Variants in HS1BP3 observed in about 807,000 individuals in gnomAD.
HS1BP3 encodes HCLS1 binding protein 3, also known as HCLS1-binding protein 3.
A neutral mutation model predicts 33.5 loss-of-function variants in HS1BP3; 32 were observed. That is an observed-to-expected ratio of 0.95 (90% CI 0.72 to 1.28). HS1BP3 has a LOEUF of 1.28. Ranked by LOEUF, HS1BP3 falls within the 50% of genes most tolerant of loss-of-function variation. The pLI is 0.00. For synonymous variants in HS1BP3, 187 were observed against 209.2 expected (o/e 0.89, Z 0.92); for missense variants, 486 against 502.3 (o/e 0.97, Z 0.31).
At chr2:20,579,301 G>T (rs964741978) in intron 5 of HS1BP3, among the ~76,000 whole-genome samples, 5 of 152,240 alleles carry the variant, frequency 3.3e-5, no homozygotes, top group African/African-American at 1.2e-4. Context: ...GTGCCTCCGG[G>T]AACTGTCTCA....
intron 5 of HS1BP3, among the ~76,000 whole-genome samples, chr2:20,566,971 T>C (rs1693144492): frequency 6.6e-6 from 1 of 152,144 alleles, no homozygotes; most frequent in South Asian, 2.1e-4. Flanking sequence ...CCTGAACCCC[T>C]GAGAACAAGG....
chr2:20,586,288 A>G (rs1572307456), intron 5 of HS1BP3: 1 of 152,212 alleles, frequency 6.6e-6, no homozygotes, highest in East Asian at 1.9e-4. Flanking sequence ...GAAAGATCAG[A>G]CATCTTTCAC....
At chr2:20,596,986 T>C (rs1432942586) in intron 3 of HS1BP3, among the ~76,000 whole-genome samples, 2 of 152,232 alleles carry the variant, frequency 1.3e-5, no homozygotes, top group African/African-American at 4.8e-5. Flanking sequence ...GATCCAGCCA[T>C]GGTTCCCATT....
At chr2:20,604,378 G>A (rs1209872146) in intron 2 of HS1BP3, among the ~76,000 whole-genome samples, 1 of 152,212 alleles carries the variant, frequency 6.6e-6, no homozygotes, top group Non-Finnish European at 1.5e-5. Context: ...CCCCGGGACA[G>A]CCTTGGGCAT....
At chr2:20,559,020 C>A (rs1692909475), downstream of HS1BP3, among the ~76,000 whole-genome samples, 1 of 152,172 alleles carries the variant, frequency 6.6e-6, no homozygotes, top group African/African-American at 2.4e-5. Context: ...CTTGCTGGCA[C>A]CCAGGACTCA....
At chr2:20,593,051 T>C (rs193295191) in intron 3 of HS1BP3, among the ~76,000 whole-genome samples, 18 of 152,238 alleles carry the variant, frequency 1.2e-4, no homozygotes, top group Admixed American at 5.2e-4. Flanking sequence ...AACCTCCCGC[T>C]GTCTACCCCA....
At chr2:20,555,813 G>A (rs1055712669), downstream of HS1BP3, among the ~76,000 whole-genome samples, 3 of 151,990 alleles carry the variant, frequency 2.0e-5, no homozygotes, top group Non-Finnish European at 4.4e-5. Flanking sequence ...TAATGCAATG[G>A]GCTTCTTGAT....
intron 2 of HS1BP3, chr2:20,598,337 C>G: frequency 3.5e-6 from 1 of 287,018 alleles, no homozygotes; most frequent in South Asian, 3.0e-5. Flanking sequence ...ACCAAGATCT[C>G]TTGAATGAGC....
At chr2:20,563,626 G>A (rs771435839) in intron 5 of HS1BP3, among the ~76,000 whole-genome samples, 8 of 152,134 alleles carry the variant, frequency 5.3e-5, no homozygotes, top group East Asian at 1.9e-4. Flanking sequence ...AATGGTCCCC[G>A]AGATGGAGAG....
At chr2:20,596,879 C>T (rs191292023) in intron 3 of HS1BP3, among the ~76,000 whole-genome samples, 1 of 152,290 alleles carries the variant, frequency 6.6e-6, no homozygotes, top group African/African-American at 2.4e-5. Flanking sequence ...TCATAGGTAC[C>T]CCATCAGAAT....
chr2:20,575,138 G>A (rs1370866914), intron 5 of HS1BP3, among the ~76,000 whole-genome samples: 1 of 152,270 alleles, frequency 6.6e-6, no homozygotes, highest in Non-Finnish European at 1.5e-5. Context: ...TTGTTGTTGG[G>A]CATTTGTTTG....
intron 2 of HS1BP3, among the ~76,000 whole-genome samples, chr2:20,602,541 A>G (rs1694092871): frequency 6.6e-6 from 1 of 152,238 alleles, no homozygotes; most frequent in South Asian, 2.1e-4. Context: ...GTGAGCTTGA[A>G]AAAAACCGAA....
At chr2:20,632,265 C>T (rs545082518) in intron 4 of HS1BP3, among the ~76,000 whole-genome samples, 1 of 152,348 alleles carries the variant, frequency 6.6e-6, no homozygotes, top group East Asian at 1.9e-4. Flanking sequence ...TCGCAGTAAG[C>T]TCTGAGTAAA....
downstream of HS1BP3, among the ~76,000 whole-genome samples, chr2:20,589,130 G>A (rs1413042449): frequency 6.6e-6 from 1 of 152,200 alleles, no homozygotes; most frequent in African/African-American, 2.4e-5. Context: ...TGGACCACTA[G>A]CCCTGCTTTG....
At chr2:20,595,901 A>G (rs1455598530) in intron 3 of HS1BP3, among the ~76,000 whole-genome samples, 1 of 152,174 alleles carries the variant, frequency 6.6e-6, no homozygotes, top group East Asian at 1.9e-4. Flanking sequence ...AGAGCCTTAG[A>G]CTAACCAACA....
chr2:20,629,741 TC>T (rs771520742), intron 4 of HS1BP3, among the ~76,000 whole-genome samples: 2 of 152,228 alleles, frequency 1.3e-5, no homozygotes, highest in Non-Finnish European at 2.9e-5. Context: ...ACACCCGCTT[TC>T]CTGCTGTGTA....
intron 5 of HS1BP3, among the ~76,000 whole-genome samples, chr2:20,569,428 T>C (rs1693212994): frequency 1.3e-5 from 2 of 152,328 alleles, no homozygotes; most frequent in South Asian, 2.1e-4. Context: ...GACTCCTACA[T>C]AGGGTGGCCA....
In HS1BP3 at chr2:20,601,469, T is replaced by C. The variant is rs116038171; in HGVS notation, c.179-3204A>G. Among the ~76,000 whole-genome samples, 989 of 152,266 alleles carry C rather than the reference T, an allele frequency of 6.5e-3. 11 individuals carry two copies. The highest frequency in any genetic ancestry group is 0.022 in the African/African-American group (912 of 41,548). On this transcript the variant is annotated intron_variant, in intron 2 of 3. Transcript: ENST00000415264. ...GTTTGGCTGTGACCCCACCCATATCTCATCTTGAATTGTAGTTACCATAAT... is the reference window on the plus strand; with the variant it reads ...GTTTGGCTGTGACCCCACCCATATCCCATCTTGAATTGTAGTTACCATAAT...
intron 5 of HS1BP3, among the ~76,000 whole-genome samples, chr2:20,576,386 ACCT>A (rs1465360014): frequency 1.3e-5 from 2 of 151,562 alleles, no homozygotes; most frequent in African/African-American, 2.4e-5. Flanking sequence ...CTGGAACCTC[ACCT>A]CCTCTGAGAA....
Sources: allele counts gnomAD v4.1 joint callset (sites outside exome capture counted in the v4.1 genomes callset), GRCh38; gene constraint gnomAD v4.1.1; transcripts MANE v1.5; gene names NCBI Gene and HGNC (gene_info 2026-07-23, HGNC 2026-07-21).